SLC4A10: variants seen among roughly 807,000 people sequenced by gnomAD.
The protein encoded by SLC4A10 is solute carrier family 4 member 10, also known as sodium-driven chloride bicarbonate exchanger.
A neutral mutation model predicts 137.7 loss-of-function variants in SLC4A10; 42 were observed. The observed-to-expected ratio is 0.30, with a 90% CI of 0.24 to 0.39. The LOEUF (loss-of-function observed/expected upper bound fraction) is 0.39, where lower values mean the gene tolerates loss of function less well. SLC4A10 is among the 10% of genes least tolerant of loss of function. The pLI, the probability that SLC4A10 is intolerant of heterozygous loss-of-function variation, is 1.00. For missense variants in SLC4A10, 925 were observed against 1,355.0 expected (o/e 0.68, Z 4.98); for synonymous variants, 474 against 464.1 (o/e 1.02, Z -0.27).
At chr2:161,697,556 A>G (rs2042663281) in intron 1 of SLC4A10, among the ~76,000 whole-genome samples, 1 of 152,308 alleles carries the variant, frequency 6.6e-6, no homozygotes, top group Non-Finnish European at 1.5e-5. Context: ...CATTTATTAA[A>G]TAGGGAATCT....
intron 26 of SLC4A10, 129 bp downstream of exon 26, chr2:161,977,889 G>C (rs1699638525): frequency 1.4e-6 from 1 of 701,124 alleles, no homozygotes; most frequent in East Asian, 3.0e-5. Context: ...GAGAGTGTTG[G>C]GCTCAGATCC....
chr2:161,762,181 A>G (rs1212873537), intron 1 of SLC4A10, among the ~76,000 whole-genome samples: 1 of 152,138 alleles, frequency 6.6e-6, no homozygotes, highest in East Asian at 1.9e-4. Context: ...TATATTTTAT[A>G]TGATTTACTT....
intron 3 of SLC4A10, among the ~76,000 whole-genome samples, chr2:161,828,566 A>G (rs1274055209): frequency 6.8e-6 from 1 of 147,388 alleles, no homozygotes; most frequent in Non-Finnish European, 1.5e-5. Flanking sequence ...TATACATATT[A>G]TTTACCATAT....
At chr2:161,648,815 TTGTC>T (rs1352458040) in intron 1 of SLC4A10, among the ~76,000 whole-genome samples, 3 of 152,348 alleles carry the variant, frequency 2.0e-5, no homozygotes, top group Admixed American at 6.5e-5. Context: ...ATCTCATTGT[TTGTC>T]TGTTGCATAT....
At chr2:161,877,206 A>G (rs1175013068) in intron 8 of SLC4A10, among the ~76,000 whole-genome samples, 3 of 152,148 alleles carry the variant, frequency 2.0e-5, no homozygotes, top group African/African-American at 7.2e-5. Context: ...AGACAATGGC[A>G]TTTGTCAAGC....
chr2:161,862,044 A>G (rs1446562583), intron 5 of SLC4A10, among the ~76,000 whole-genome samples: 1 of 152,234 alleles, frequency 6.6e-6, no homozygotes, highest in Non-Finnish European at 1.5e-5. Flanking sequence ...AAGCAGATTA[A>G]TTACACAAAC....
chr2:161,932,793 A>G (rs1690643975), intron 15 of SLC4A10, among the ~76,000 whole-genome samples: 1 of 152,168 alleles, frequency 6.6e-6, no homozygotes, highest in Admixed American at 6.5e-5. Flanking sequence ...AAGACCTCTC[A>G]GTGTTCAAGT....
At chr2:161,680,024 C>T (rs531536273) in intron 1 of SLC4A10, among the ~76,000 whole-genome samples, 3 of 152,200 alleles carry the variant, frequency 2.0e-5, no homozygotes, top group South Asian at 2.1e-4. Context: ...TCTGAATTCA[C>T]TATGATACTT....
At chr2:161,662,117 A>G (rs950482185) in intron 1 of SLC4A10, among the ~76,000 whole-genome samples, 8 of 152,136 alleles carry the variant, frequency 5.3e-5, no homozygotes, top group Non-Finnish European at 8.8e-5. Flanking sequence ...TATTCTTTAT[A>G]TCATAAACAA....
chr2:161,826,019 G>A lies in SLC4A10; in HGVS notation c.278-13770G>A, dbSNP rs189031338. Among the ~76,000 whole-genome samples, 5 of 152,082 alleles carry A rather than the reference G, an allele frequency of 3.3e-5. No individual in the cohort carries two copies. The East Asian group carries it at 7.7e-4, about 23-fold the overall frequency. ...ATTCATTTTACCAATCTATTACCCT[G>A]TAATGAAATTACTAATTAGAATTGA... On this transcript the variant is annotated intron_variant, in intron 3 of 26. Transcript: ENST00000446997.
intron 1 of SLC4A10, among the ~76,000 whole-genome samples, chr2:161,752,375 C>T (rs1268296641): frequency 1.3e-5 from 2 of 151,898 alleles, no homozygotes; most frequent in Non-Finnish European, 2.9e-5. Flanking sequence ...AAAAGCCTTG[C>T]CATATCCTTC....
intron 10 of SLC4A10, among the ~76,000 whole-genome samples, chr2:161,890,334 G>C (rs1239610202): frequency 1.3e-5 from 2 of 152,146 alleles, no homozygotes; most frequent in East Asian, 3.9e-4. Context: ...TTCAAGTCCT[G>C]AATATCCTTG....
Position 161,878,996 on chromosome 2 carries a change from T to C in SLC4A10, c.949-135T>C, listed in dbSNP as rs956361641. The C allele has an allele frequency of 5.9e-6, 4 of 673,976 alleles. 1 individual carries two copies. The South Asian group carries it at 1.7e-4, about 28-fold the overall frequency. The allele number at this position is 673,976 out of a possible 1,614,324, so 41.7% of individuals were successfully genotyped here. Reference sequence around the variant, plus strand: ...AAGGTTATTATAGAAAAAGGGCAAATGAGATGTTTAACTGTGTGTATTTAT... The same window carrying C: ...AAGGTTATTATAGAAAAAGGGCAAACGAGATGTTTAACTGTGTGTATTTAT... On this transcript the variant is annotated intron_variant, in intron 8 of 26. Coordinates refer to ENST00000446997, the MANE Select transcript of SLC4A10 (RefSeq NM_001178015.2).
intron 17 of SLC4A10, among the ~76,000 whole-genome samples, chr2:161,948,072 T>A (rs1002782271): frequency 6.6e-6 from 1 of 152,122 alleles, no homozygotes; most frequent in Admixed American, 6.6e-5. Flanking sequence ...CTATGTTACA[T>A]TCTCTAATTG....
intron 1 of SLC4A10, chr2:161,650,991 CTGTTT>C (rs1050650972): frequency 1.5e-4 from 23 of 152,496 alleles, no homozygotes; most frequent in African/African-American, 5.5e-4. Context: ...GCTGTACTGT[CTGTTT>C]TGAGTGGAGT....
At chr2:161,878,992 C>A in intron 8 of SLC4A10, 139 bp from the exon 9 acceptor site, 3 of 656,378 alleles carry the variant, frequency 4.6e-6, no homozygotes, top group Non-Finnish European at 4.5e-6. Flanking sequence ...AGAAAAAGGG[C>A]AAATGAGATG....
chr2:161,909,664 A>G (rs1490349070), intron 15 of SLC4A10, among the ~76,000 whole-genome samples: 1 of 152,158 alleles, frequency 6.6e-6, no homozygotes, highest in Non-Finnish European at 1.5e-5. Flanking sequence ...CTGATTAGGT[A>G]TTTCTATCAC....
chr2:161,756,618 T>C (rs967676949), intron 1 of SLC4A10, among the ~76,000 whole-genome samples: 2 of 152,194 alleles, frequency 1.3e-5, no homozygotes, highest in Admixed American at 1.3e-4. Flanking sequence ...CCTTGCCCAC[T>C]GTACCTGGGA....
chr2:161,948,375 A>AG (rs35148895), intron 17 of SLC4A10, among the ~76,000 whole-genome samples: 1 of 152,146 alleles, frequency 6.6e-6, no homozygotes, highest in South Asian at 2.1e-4. Flanking sequence ...TTCCTTCCGA[A>AG]GGGGGCTTCT....
Sources: allele counts gnomAD v4.1 joint callset (sites outside exome capture counted in the v4.1 genomes callset), GRCh38; gene constraint gnomAD v4.1.1; transcripts MANE v1.5; gene names NCBI Gene and HGNC (gene_info 2026-07-23, HGNC 2026-07-21).